Variants in SIAE observed in about 807,000 individuals in gnomAD.
SIAE encodes sialic acid acetylesterase.
In SIAE, 39 loss-of-function variants were observed where a neutral mutation model predicts 52.6. The ratio of observed to expected loss-of-function variants is 0.74; its 90% CI spans 0.57 to 0.97. SIAE has a LOEUF of 0.97. SIAE is among the 50% of genes least tolerant of loss of function. The pLI is 0.00. For missense variants in SIAE, 592 were observed against 662.1 expected (o/e 0.89, Z 1.16); for synonymous variants, 233 against 241.4 (o/e 0.97, Z 0.32).
At chr11:124,641,493 T>C (rs529494589) in intron 7 of SIAE, among the ~76,000 whole-genome samples, 77 of 152,362 alleles carry the variant, frequency 5.1e-4, no homozygotes, top group East Asian at 1.7e-3. Flanking sequence ...AGAACCTCTG[T>C]AGAGGTGATA....
chr11:124,648,614 A>T (rs1942974382), intron 5 of SIAE, among the ~76,000 whole-genome samples: 1 of 152,218 alleles, frequency 6.6e-6, no homozygotes, highest in Non-Finnish European at 1.5e-5. Flanking sequence ...ATACATGCTT[A>T]ACTATATCCA....
In SIAE at chr11:124,636,875, G is replaced by A; in HGVS notation, c.*76C>T. 6.3e-7 allele frequency: 1 copy of A among 1,594,280 alleles called. No individual in the cohort carries two copies. The highest frequency in any genetic ancestry group is 8.6e-7 in the Non-Finnish European group (1 of 1,163,734). On this transcript the variant is annotated 3_prime_UTR_variant, in exon 10 of 10. Coordinates refer to ENST00000263593, the MANE Select transcript of SIAE (RefSeq NM_170601.5). ...CTATTAATTTCCTTTAAAAGCAATG[G>A]TTATTATTGAAACTCCTAAATGCTA...
At chr11:124,675,267 G>C, upstream of SIAE, 2 of 1,612,002 alleles carry the variant, frequency 1.2e-6, no homozygotes, top group Non-Finnish European at 1.7e-6. Context: ...CCAAGAAGAT[G>C]TCGATTCCAT....
At position 124,635,687 on chromosome 11, in the gene SIAE, T is replaced by G. The variant is rs1317120615; in HGVS notation, c.*1264A>C. On this transcript the variant is annotated 3_prime_UTR_variant, in exon 10 of 10. Coordinates refer to ENST00000263593, the MANE Select transcript of SIAE (RefSeq NM_170601.5). ...CAGTGAGTGATGCTTTTTGCTTTAG[T>G]TCTCATTTTTCACATTAAGGGGAGG... 1 of 152,232 alleles carries G rather than the reference T, an allele frequency of 6.6e-6. No homozygotes were observed. Among genetic ancestry groups the G allele is most frequent in the Non-Finnish European group, 1.5e-5 (1 of 68,042 alleles). The allele number at this position is 152,232 out of a possible 1,614,324, so 9.4% of individuals were successfully genotyped here. A position where few individuals can be genotyped will look rare whatever the true frequency, so the allele number is the denominator to read the frequency against.
intron 4 of SIAE, among the ~76,000 whole-genome samples, chr11:124,653,354 A>T (rs1943045302): frequency 6.6e-6 from 1 of 152,178 alleles, no homozygotes; most frequent in Non-Finnish European, 1.5e-5. Flanking sequence ...TCTGAGCACC[A>T]AGGAAAGCAT....
chr11:124,644,333 C>G (rs1942894936), intron 7 of SIAE, among the ~76,000 whole-genome samples: 1 of 121,834 alleles, frequency 8.2e-6, no homozygotes, highest in South Asian at 2.5e-4. Flanking sequence ...AACAACGCCA[C>G]AGGAAAGAGT....
chr11:124,651,180 T>C (rs535937307), intron 4 of SIAE, among the ~76,000 whole-genome samples: 54 of 152,128 alleles, frequency 3.5e-4, no homozygotes, highest in Non-Finnish European at 5.1e-4. Flanking sequence ...AACTACTAGA[T>C]GGATGGGAGA....
At chr11:124,646,501 G>C (rs560393954) in intron 7 of SIAE, among the ~76,000 whole-genome samples, 157 of 151,936 alleles carry the variant, frequency 1.0e-3, no homozygotes, top group Non-Finnish European at 8.5e-4. Context: ...AGTATGGAAG[G>C]CAAGGAGCAA....
chr11:124,637,507 T>C (rs954776388), intron 9 of SIAE, among the ~76,000 whole-genome samples: 2 of 152,186 alleles, frequency 1.3e-5, no homozygotes, highest in African/African-American at 4.8e-5. Flanking sequence ...ATTCTTTGGG[T>C]GATCCCTCTT....
chr11:124,636,560 G>C lies in SIAE; in HGVS notation c.*391C>G, dbSNP rs534737933. On this transcript the variant is annotated 3_prime_UTR_variant, in exon 10 of 10. Transcript: ENST00000263593. ...ACTTGGATGGGAGAAATTTTATAAA[G>C]AACACATGAACACTAGCTGGCCTAT... The C allele has an allele frequency of 7.0e-6, 2 of 287,444 alleles. No homozygotes were observed. The highest frequency in any genetic ancestry group is 4.4e-5 in the African/African-American group (2 of 45,744). 17.8% of individuals were successfully genotyped at this position (287,444 alleles called of 1,614,324 possible).
At chr11:124,674,144 C>T (rs1943424204), upstream of SIAE, 1 of 201,108 alleles carries the variant, frequency 5.0e-6, no homozygotes, top group African/African-American at 2.3e-5. Context: ...TCTGCCCCCT[C>T]CGCCCGCCCT....
chr11:124,654,776 C>T lies in SIAE; in HGVS notation c.423G>A (p.Arg141=). 6.2e-7 allele frequency: 1 copy of T among 1,613,856 alleles called. No homozygotes were observed. The highest frequency in any genetic ancestry group is 8.5e-7 in the Non-Finnish European group (1 of 1,180,018). ...GATATGCCGCAGTGTTAGACAACTC[C>T]CTTGTAGCATTAAATATCTGGAAAA... is the stretch of plus-strand genomic sequence containing the variant. The part of the protein sequence containing the change: ...MTVLQIFNAT[R]ELSNTAAYQS... Residue 141 remains arginine, a synonymous_variant, in exon 4 of 10, where the codon AGG becomes AGA. Transcript: ENST00000263593.
intron 4 of SIAE, among the ~76,000 whole-genome samples, chr11:124,652,691 CAAAAAAAAA>C (rs57632780): frequency 1.4e-5 from 1 of 72,934 alleles, no homozygotes; most frequent in South Asian, 5.6e-4. Flanking sequence ...GAGACTCGGT[CAAAAAAAAA>C]AAAAAAAAAA....
intron 7 of SIAE, among the ~76,000 whole-genome samples, chr11:124,642,682 AGG>A (rs1362380315): frequency 6.6e-6 from 1 of 152,230 alleles, no homozygotes; most frequent in Non-Finnish European, 1.5e-5. Flanking sequence ...TCTAACCAAT[AGG>A]CTATGGCAAA....
At chr11:124,671,931 C>CTTTTT (rs11344356) in intron 1 of SIAE, among the ~76,000 whole-genome samples, 1 of 137,166 alleles carries the variant, frequency 7.3e-6, no homozygotes, top group Non-Finnish European at 1.6e-5. Flanking sequence ...CTGGCTAATT[C>CTTTTT]TTTTTTTTTT....
At chr11:124,649,895 T>A in intron 4 of SIAE, 99 bp from the exon 5 acceptor site, 1 of 1,107,438 alleles carries the variant, frequency 9.0e-7, no homozygotes, top group Non-Finnish European at 1.4e-6. Flanking sequence ...TGGGCAGAGG[T>A]CATTCTTCTG....
At chr11:124,648,026 C>T in intron 6 of SIAE, 40 bp downstream of exon 6, 2 of 1,486,944 alleles carry the variant, frequency 1.3e-6, no homozygotes, top group South Asian at 2.3e-5. Flanking sequence ...ACAGCAAACG[C>T]TATCTGATAC....
At position 124,644,352 on chromosome 11, in the gene SIAE, A is replaced by AG. The variant is rs758904730; in HGVS notation, c.966+3012dup. Among the ~76,000 whole-genome samples, 6 of 96,262 alleles carry AG rather than the reference A, an allele frequency of 6.2e-5. 1 individual carries two copies. Among genetic ancestry groups the AG allele is most frequent in the African/African-American group, 4.1e-4 (6 of 14,512 alleles). 63.2% of individuals were successfully genotyped at this position (96,262 alleles called of 152,430 possible). On this transcript the variant is annotated intron_variant, in intron 7 of 9. Coordinates refer to ENST00000263593, the MANE Select transcript of SIAE (RefSeq NM_170601.5). Reference sequence around the variant, plus strand: ...ACGCCACAGGAAAGAGTCTGTGGTGAGAAAAAAAAAAAAAAAAAAAAACTA... The same window carrying AG: ...ACGCCACAGGAAAGAGTCTGTGGTGAGGAAAAAAAAAAAAAAAAAAAAACTA...
rs757586703 is a variant in SIAE at position 124,647,405 on chromosome 11, T to C, written c.926A>G (p.Gln309Arg). ...DWRETFHRGS[Q>R]GQTERFFPFG... ...TGGGAAGAAACGCTCCGTCTGCCCC[T>C]GGGAACCACGGTGGAAGGTTTCACG... The change falls in exon 7 of 10, where the codon CAG (glutamine) becomes CGG (arginine). Residue 309 changes from glutamine (Q) to arginine (R), a missense_variant. Gln to Arg is a conservative substitution (Grantham distance 43, BLOSUM62 1). Transcript: ENST00000263593. The C allele has an allele frequency of 1.1e-5, 17 of 1,614,066 alleles. No individual in the cohort carries two copies. The African/African-American group carries it at 2.3e-4, about 22-fold the overall frequency.
Sources: gnomAD v4.1 joint callset for allele counts (sites outside exome capture counted in the v4.1 genomes callset) on GRCh38, gnomAD v4.1.1 for gene constraint, MANE v1.5 for transcripts, NCBI Gene and HGNC (gene_info 2026-07-23, HGNC 2026-07-21) for gene names.